POLD3: variants seen among roughly 807,000 people sequenced by gnomAD.
POLD3 encodes DNA polymerase delta 3, accessory subunit, also known as DNA polymerase delta subunit 3.
In POLD3, 19 loss-of-function variants were observed where a neutral mutation model predicts 58.2. The observed-to-expected ratio is 0.33, with a 90% CI of 0.23 to 0.48. The LOEUF is 0.48. POLD3 is among the 20% of genes least tolerant of loss of function. The probability of loss-of-function intolerance (pLI) is 0.99; values close to 1 mark genes in which losing one functional copy is unlikely to be tolerated. For missense variants in POLD3, 504 were observed against 545.5 expected (o/e 0.92, Z 0.76); for synonymous variants, 172 against 193.5 (o/e 0.89, Z 0.92).
intron 4 of POLD3, among the ~76,000 whole-genome samples, chr11:74,653,661 G>T (rs1476232265): frequency 6.6e-6 from 1 of 151,852 alleles, no homozygotes; most frequent in Admixed American, 6.6e-5. Flanking sequence ...GGGACAAATA[G>T]AAAGCAATAA....
intron 2 of POLD3, among the ~76,000 whole-genome samples, chr11:74,602,548 C>CTGCTACTGCCCCAAA (rs1318784722): frequency 6.6e-6 from 1 of 152,216 alleles, no homozygotes; most frequent in Non-Finnish European, 1.5e-5. Context: ...CTAATTACTA[C>CTGCTACTGCCCCAAA]CTGCACTGCT....
chr11:74,597,601 C>T (rs931618051), intron 2 of POLD3, among the ~76,000 whole-genome samples: 40 of 152,222 alleles, frequency 2.6e-4, no homozygotes, highest in Non-Finnish European at 8.8e-5. Context: ...GCTGGAACTA[C>T]AGGCGCATGC....
intron 4 of POLD3, among the ~76,000 whole-genome samples, chr11:74,662,671 A>T (rs191735649): frequency 1.3e-5 from 2 of 152,078 alleles, no homozygotes; most frequent in Non-Finnish European, 2.9e-5. Flanking sequence ...GCACTCCATT[A>T]GCCAACCCAG....
chr11:74,621,924 G>A (rs981930731), intron 7 of POLD3, among the ~76,000 whole-genome samples: 8 of 151,570 alleles, frequency 5.3e-5, no homozygotes, highest in East Asian at 1.9e-4. Flanking sequence ...CAATGTGCAC[G>A]TTAGTTACAT....
chr11:74,646,230 C>T (rs2135190101), downstream of POLD3, among the ~76,000 whole-genome samples: 1 of 152,266 alleles, frequency 6.6e-6, no homozygotes, highest in African/African-American at 2.4e-5. Flanking sequence ...GCCTCGGCCT[C>T]CCAAAGAGCT....
rs556425533 is a variant in POLD3 at position 74,654,670 on chromosome 11, T to G, written c.370-14107T>G. 7.9e-5 allele frequency among the ~76,000 whole-genome samples: 12 copies of G among 152,322 alleles called. No homozygotes were observed. The South Asian group carries it at 2.5e-3, about 32-fold the overall frequency. The stretch of plus-strand genomic sequence containing the variant: ...TGCTTCCAACCCACCTTCTCTCCTC[T>G]GCTCCCCACCAGCTTGGTCACCATA... On this transcript the variant is annotated intron_variant, in intron 4 of 4. Transcript: ENST00000524752.
chr11:74,619,935 A>G (rs10501417), intron 6 of POLD3, 82 bp from the exon 7 acceptor site: 360,996 of 1,028,268 alleles, frequency 0.35, 67,456 homozygotes, highest in African/African-American at 0.57. Flanking sequence ...ACAGTTTGCT[A>G]TAGAAGAGTT....
rs575968283 is a variant in POLD3 at position 74,593,123 on chromosome 11, A to G, written c.60+405A>G. 7.5e-4 allele frequency: 546 copies of G among 726,192 alleles called. 1 individual carries two copies. The highest frequency in any genetic ancestry group is 2.0e-3 in the Middle Eastern group (3 of 1,474). 45.0% of individuals were successfully genotyped at this position (726,192 alleles called of 1,614,324 possible). A position where few individuals can be genotyped will look rare whatever the true frequency, so the allele number is the denominator to read the frequency against. On this transcript the variant is annotated intron_variant, in intron 1 of 11. Coordinates refer to ENST00000263681, the MANE Select transcript of POLD3 (RefSeq NM_006591.3). ...GTTACAAGTTGCGTAACCTCCAGAT[A>G]CTGTTTCCTCTTCCTGGAAATTTAA...
downstream of POLD3, among the ~76,000 whole-genome samples, chr11:74,644,291 G>T (rs1374915779): frequency 6.6e-6 from 1 of 152,202 alleles, no homozygotes; most frequent in Non-Finnish European, 1.5e-5. Flanking sequence ...ACTCGTTTTG[G>T]TAAACTTGTC....
intron 4 of POLD3, among the ~76,000 whole-genome samples, chr11:74,667,478 C>T (rs1257285086): frequency 2.6e-5 from 4 of 152,020 alleles, no homozygotes; most frequent in African/African-American, 7.3e-5. Context: ...TGCAGTGAGC[C>T]GAGATCGCGC....
intron 4 of POLD3, among the ~76,000 whole-genome samples, chr11:74,667,969 C>T (rs1042581364): frequency 2.0e-5 from 3 of 152,226 alleles, no homozygotes; most frequent in South Asian, 4.2e-4. Context: ...ACATCAACGT[C>T]GTTAGTCATT....
intron 9 of POLD3, among the ~76,000 whole-genome samples, chr11:74,634,217 G>A (rs1200411455): frequency 6.6e-6 from 1 of 152,148 alleles, no homozygotes; most frequent in Non-Finnish European, 1.5e-5. Context: ...TCTATTTACT[G>A]TAATGTGCAA....
rs188387487 is a variant in POLD3, at chr11:74,612,388, C to T, written c.260-490C>T. 5.3e-5 allele frequency among the ~76,000 whole-genome samples: 8 copies of T among 152,280 alleles called. No individual in the cohort carries two copies. In the East Asian group the frequency reaches 1.2e-3, roughly 22 times the overall value. On this transcript the variant is annotated intron_variant, in intron 4 of 11. Transcript: ENST00000263681. ...ACAAGTTAGCTGCAATCCCTTCCTT[C>T]GCGGAACCTAACATTTATTCTTGTG...
rs532401963 is a variant in POLD3, at chr11:74,653,449, A to G, written c.370-15328A>G. ...CTTCTTATGTTATACTTGAGGTGGT[A>G]TATTATTTTTAAATTAATAACTTTT... On this transcript the variant is annotated intron_variant, in intron 4 of 4. Transcript: ENST00000524752. Among the ~76,000 whole-genome samples, 338 of 152,352 alleles carry G rather than the reference A, an allele frequency of 2.2e-3. 2 individuals are homozygous for G. The highest frequency in any genetic ancestry group is 7.7e-3 in the African/African-American group (322 of 41,584).
intron 4 of POLD3, among the ~76,000 whole-genome samples, chr11:74,651,822 C>T (rs2033072478): frequency 6.6e-6 from 1 of 152,106 alleles, no homozygotes; most frequent in Non-Finnish European, 1.5e-5. Context: ...ACCTTGTCGG[C>T]TATGGTAAGG....
chr11:74,612,477 C>T (rs866632131), intron 4 of POLD3, among the ~76,000 whole-genome samples: 9 of 152,140 alleles, frequency 5.9e-5, no homozygotes, highest in African/African-American at 2.2e-4. Flanking sequence ...TACAGAGTTG[C>T]TTTCTCTAAA....
intron 11 of POLD3, among the ~76,000 whole-genome samples, chr11:74,637,629 C>T (rs552915102): frequency 1.7e-4 from 26 of 151,906 alleles, no homozygotes; most frequent in Admixed American, 7.2e-4. Flanking sequence ...AAAAGTCAAA[C>T]GTCTTTGTGA....
At chr11:74,607,412 G>A (rs1394973047) in intron 3 of POLD3, among the ~76,000 whole-genome samples, 2 of 149,694 alleles carry the variant, frequency 1.3e-5, no homozygotes, top group Non-Finnish European at 3.0e-5. Context: ...ACAGGCGCCC[G>A]CCACCACGCC....
At chr11:74,618,839 C>T in intron 6 of POLD3, 35 bp downstream of exon 6, 1 of 1,561,852 alleles carries the variant, frequency 6.4e-7, no homozygotes, top group Non-Finnish European at 8.7e-7. Flanking sequence ...TTCATTGCAG[C>T]TCAGAGTGGG....
Sources: allele counts gnomAD v4.1 joint callset (sites outside exome capture counted in the v4.1 genomes callset), GRCh38; gene constraint gnomAD v4.1.1; transcripts MANE v1.5; gene names NCBI Gene and HGNC (gene_info 2026-07-23, HGNC 2026-07-21).